Variants in ATG3 observed in about 807,000 individuals in gnomAD.
The protein encoded by ATG3 is ubiquitin-like-conjugating enzyme ATG3.
A neutral mutation model predicts 50.7 loss-of-function variants in ATG3; 25 were observed. The ratio of observed to expected loss-of-function variants is 0.49; its 90% confidence interval spans 0.36 to 0.69. The LOEUF (loss-of-function observed/expected upper bound fraction) is 0.69. Among genes scored for constraint, ATG3 ranks in the 30% least tolerant of loss-of-function variants. The pLI is 0.00. For missense variants in ATG3, 281 were observed against 376.0 expected (o/e 0.75, Z 2.09); for synonymous variants, 119 against 125.5 (o/e 0.95, Z 0.34).
At chr3:112,556,399 G>C (rs1933682527) in intron 2 of ATG3, among the ~76,000 whole-genome samples, 1 of 147,980 alleles carries the variant, frequency 6.8e-6, no homozygotes, top group Non-Finnish European at 1.5e-5. Context: ...CCGGGAGGGA[G>C]GTGGGGGGGT....
chr3:112,549,083 T>C (rs1341086669), intron 4 of ATG3, among the ~76,000 whole-genome samples: 1 of 152,254 alleles, frequency 6.6e-6, no homozygotes, highest in Non-Finnish European at 1.5e-5. Flanking sequence ...TAACTTTCAA[T>C]ATAAATTTTA....
intron 9 of ATG3, 175 bp downstream of exon 9, chr3:112,537,560 C>T: frequency 2.1e-6 from 1 of 481,730 alleles, no homozygotes; most frequent in Non-Finnish European, 3.5e-6. Flanking sequence ...CTGAATAATT[C>T]ATAGTTCATT....
At chr3:112,557,282 C>G (rs1933713428) in intron 2 of ATG3, among the ~76,000 whole-genome samples, 1 of 152,176 alleles carries the variant, frequency 6.6e-6, no homozygotes, top group Admixed American at 6.5e-5. Context: ...CTGCCTCTGC[C>G]TCCTAAAGTG....
At position 112,548,550 on chromosome 3, in the gene ATG3, T is replaced by G. The variant is rs774864190; in HGVS notation, c.326A>C (p.Asp109Ala). ...CCTCTTACCTGTGTTGTGATATGTA[T>G]CTACCCATCCGCCATCACCATCATC... ...EEDDGDGGWV[D>A]TYHNTGITGI... The change falls in exon 5 of 12, where the codon GAT becomes GCT. Residue 109 changes from aspartate to alanine, a missense_variant. By Grantham distance (126) the Asp-to-Ala change is moderately radical (BLOSUM62 -2). This residue lies in a region of ATG3 where 242 missense variants were observed against 305.0 expected (regional missense o/e 0.79). Transcript: ENST00000283290. 6.2e-7 allele frequency: 1 copy of G among 1,612,520 alleles called. No individual in the cohort carries two copies. Among genetic ancestry groups the G allele is most frequent in the Admixed American group, 1.7e-5 (1 of 60,022 alleles).
chr3:112,539,618 AT>A (rs566432917), intron 7 of ATG3, among the ~76,000 whole-genome samples: 52 of 152,112 alleles, frequency 3.4e-4, no homozygotes, highest in African/African-American at 1.2e-3. Context: ...TTGCTTATCT[AT>A]TTTTTGTCTC....
chr3:112,558,070 C>T (rs1933737821), intron 2 of ATG3: 1 of 281,016 alleles, frequency 3.6e-6, no homozygotes, highest in South Asian at 6.8e-5. Context: ...ACAGAGCTTA[C>T]TGCACAGCTC....
chr3:112,540,504 A>T (rs868447931), intron 7 of ATG3, among the ~76,000 whole-genome samples: 1 of 152,130 alleles, frequency 6.6e-6, no homozygotes, highest in Middle Eastern at 3.2e-3. Context: ...ATATATTCAT[A>T]TTTCAACTCT....
intron 6 of ATG3, among the ~76,000 whole-genome samples, chr3:112,542,130 A>AAC (rs1553737884): frequency 6.6e-6 from 1 of 152,092 alleles, no homozygotes; most frequent in African/African-American, 2.4e-5. Flanking sequence ...CATCTAAGCT[A>AAC]TTTAAAAATA....
chr3:112,547,806 G>A (rs1023891592), intron 5 of ATG3, among the ~76,000 whole-genome samples: 5 of 151,936 alleles, frequency 3.3e-5, no homozygotes, highest in African/African-American at 7.3e-5. Flanking sequence ...TCTTTTAGTC[G>A]TTATTTAACA....
intron 11 of ATG3, 78 bp from the exon 12 acceptor site, chr3:112,532,858 A>T: frequency 7.2e-7 from 1 of 1,383,646 alleles, no homozygotes; most frequent in Non-Finnish European, 9.4e-7. Flanking sequence ...TATCCATTTT[A>T]TTAAGCCATT....
In ATG3 at chr3:112,561,875, G is replaced by A. The variant is rs902584782; in HGVS notation, c.-347C>T. ...CGCCCTCTGCGAGCTGTCTGTCCTC[G>A]CTTTGCTTCACTCGCGCCCCTTCCG... On this transcript the variant is annotated 5_prime_UTR_variant, in exon 1 of 12. Transcript: ENST00000283290. 3.5e-6 allele frequency: 1 copy of A among 286,010 alleles called. No individual in the cohort carries two copies. Among genetic ancestry groups the A allele is most frequent in the Non-Finnish European group, 6.6e-6 (1 of 151,888 alleles). The allele number at this position is 286,010 out of a possible 1,614,324, so 17.7% of individuals were successfully genotyped here.
chr3:112,550,273 A>G lies in ATG3; in HGVS notation c.165-11T>C, dbSNP rs199762006. 8.7e-6 allele frequency: 14 copies of G among 1,602,094 alleles called. No individual in the cohort carries two copies. The African/African-American group carries it at 1.9e-4, about 21-fold the overall frequency. ...TCTTCCCCTGTAGCCCTTTAAAAAC[A>G]GTGAAAAGCACCAAAATACAAAACA... On this transcript the variant is annotated splice_polypyrimidine_tract_variant and intron_variant, in intron 3 of 11. Coordinates refer to ENST00000283290, the MANE Select transcript of ATG3 (RefSeq NM_022488.5).
At chr3:112,556,833 T>TTCA (rs1933697290) in intron 2 of ATG3, among the ~76,000 whole-genome samples, 1 of 151,898 alleles carries the variant, frequency 6.6e-6, no homozygotes, top group African/African-American at 2.4e-5. Flanking sequence ...GGCAGCATGC[T>TTCA]CGTTAAGAGT....
chr3:112,536,863 A>G (rs3109033), intron 9 of ATG3: 187,633 of 189,102 alleles, frequency 0.99, 93,101 homozygotes, highest in Non-Finnish European at 1. Context: ...AGAGCTTGCA[A>G]TGAGCTGAGA....
At chr3:112,544,530 T>C (rs1210981815) in intron 5 of ATG3, among the ~76,000 whole-genome samples, 1 of 151,950 alleles carries the variant, frequency 6.6e-6, no homozygotes, top group Middle Eastern at 3.2e-3. Flanking sequence ...GGCGTGTGCC[T>C]GTAGTCCCCG....
intron 10 of ATG3, 106 bp from the exon 11 acceptor site, chr3:112,534,443 T>C (rs1380001318): frequency 1.4e-6 from 1 of 711,286 alleles, no homozygotes; most frequent in Non-Finnish European, 2.0e-6. Flanking sequence ...TCTCAGTGAA[T>C]TAATTTTTAA....
intron 1 of ATG3, among the ~76,000 whole-genome samples, chr3:112,559,661 C>T (rs530119491): frequency 1.1e-3 from 170 of 152,238 alleles, no homozygotes; most frequent in Non-Finnish European, 2.0e-3. Context: ...GTGCGAAGCG[C>T]GTTTCAGATA....
chr3:112,548,479 AT>A, intron 5 of ATG3, 53 bp downstream of exon 5: 1 of 1,401,512 alleles, frequency 7.1e-7, no homozygotes, highest in Non-Finnish European at 1.0e-6. Flanking sequence ...ATTATAAAAG[AT>A]TGTGAAAGAG....
intron 6 of ATG3, among the ~76,000 whole-genome samples, chr3:112,543,639 T>C (rs1326261715): frequency 6.6e-6 from 1 of 152,174 alleles, no homozygotes; most frequent in Non-Finnish European, 1.5e-5. Context: ...AATGTTAATA[T>C]ATCATTAGCA....
Sources: gnomAD v4.1 joint callset for allele counts (sites outside exome capture counted in the v4.1 genomes callset) on GRCh38, gnomAD v4.1.1 for gene constraint, gnomAD v4.1.1 regional missense constraint, MANE v1.5 for transcripts, NCBI Gene and HGNC (gene_info 2026-07-23, HGNC 2026-07-21) for gene names.